EMC2: variants seen among roughly 807,000 people sequenced by gnomAD.
EMC2 encodes TPR repeat protein 35.
Under a neutral mutation model 51.6 loss-of-function variants are expected in EMC2, and 37 were observed. The observed-to-expected ratio is 0.72, with a 90% CI of 0.55 to 0.94. The LOEUF (loss-of-function observed/expected upper bound fraction) is 0.94, where lower values mean the gene tolerates loss of function less well. Ranked by LOEUF, EMC2 falls within the 40% of genes least tolerant of loss-of-function variation. EMC2 has a pLI of 0.00. For missense variants in EMC2, 359 were observed against 350.9 expected (o/e 1.02, Z -0.18); for synonymous variants, 131 against 112.4 (o/e 1.17, Z -1.04).
At chr8:108,459,721 A>AGTGTGTGTGTGT (rs1554617756) in intron 5 of EMC2, among the ~76,000 whole-genome samples, 13 of 136,878 alleles carry the variant, frequency 9.5e-5, no homozygotes, top group African/African-American at 3.3e-4. Flanking sequence ...AGAGAGAGAG[A>AGTGTGTGTGTGT]GTGTGTGTGT....
intron 7 of EMC2, among the ~76,000 whole-genome samples, chr8:108,471,726 G>T (rs566964787): frequency 6.6e-6 from 1 of 151,846 alleles, no homozygotes; most frequent in African/African-American, 2.4e-5. Context: ...GAGATATAAA[G>T]GTTGTTTTAT....
intron 5 of EMC2, among the ~76,000 whole-genome samples, chr8:108,466,383 T>A (rs754635377): frequency 6.6e-5 from 10 of 151,930 alleles, no homozygotes; most frequent in Non-Finnish European, 1.2e-4. Context: ...TTTTTATTTT[T>A]AAAAATCTAA....
chr8:108,472,198 G>A (rs569808009), intron 7 of EMC2, among the ~76,000 whole-genome samples: 23 of 151,604 alleles, frequency 1.5e-4, no homozygotes, highest in Non-Finnish European at 3.1e-4. Context: ...TACTTCATTT[G>A]CAATTTTATT....
Position 108,479,011 on chromosome 8 carries a change from A to G in EMC2, c.708A>G (p.Ala236=), listed in dbSNP as rs748381655. The G allele has an allele frequency of 1.3e-6, 2 of 1,549,716 alleles. No homozygotes were observed. The highest frequency in any genetic ancestry group is 2.4e-5 in the East Asian group (1 of 42,156). ...ATGTTTTTATTTGTTTTTAGTCGGC[A>G]AGTCATATTGCTTCTAATCCAAAAG... The part of the protein sequence containing the change: ...MRALFGLYMS[A]SHIASNPKAS... The change falls in exon 10 of 11, where the codon GCA becomes GCG. Residue 236 remains alanine, a synonymous_variant. Transcript: ENST00000220853.
chr8:108,486,505 T>TTTA lies in EMC2; in HGVS notation c.808-7_808-6insTTA, dbSNP rs1554620241. On this transcript the variant is annotated splice_polypyrimidine_tract_variant and splice_region_variant and intron_variant, in intron 10 of 10. Coordinates refer to ENST00000220853, the MANE Select transcript of EMC2 (RefSeq NM_014673.5). ...TAATTGAGCTTTTTTTTTTTTTTTT[T>TTTA]AATTAGTTTGCAGGTCGAAGTAAGA... 7.1e-6 allele frequency: 11 copies of TTTA among 1,555,066 alleles called. No individual in the cohort carries two copies. The highest frequency in any genetic ancestry group is 2.3e-5 in the East Asian group (1 of 43,756).
chr8:108,472,928 A>G (rs978129844), intron 7 of EMC2, among the ~76,000 whole-genome samples: 2 of 151,934 alleles, frequency 1.3e-5, no homozygotes, highest in Admixed American at 1.3e-4. Flanking sequence ...TTCCCAGGCT[A>G]GACTTGAGCT....
intron 5 of EMC2, among the ~76,000 whole-genome samples, chr8:108,468,384 A>C (rs1210207641): frequency 6.6e-6 from 1 of 152,178 alleles, no homozygotes; most frequent in African/African-American, 2.4e-5. Flanking sequence ...GCTTGTGCCT[A>C]CTATGTGACA....
intron 5 of EMC2, among the ~76,000 whole-genome samples, chr8:108,462,008 C>A (rs1397146681): frequency 6.6e-6 from 1 of 152,028 alleles, no homozygotes; most frequent in African/African-American, 2.4e-5. Flanking sequence ...GGGGTTTCAC[C>A]ATGTTGGCCA....
chr8:108,472,507 G>A (rs1196764065), intron 7 of EMC2, among the ~76,000 whole-genome samples: 2 of 150,706 alleles, frequency 1.3e-5, no homozygotes, highest in East Asian at 3.9e-4. Context: ...ACTCTTTTTG[G>A]TCTTAAAGCT....
intron 7 of EMC2, among the ~76,000 whole-genome samples, chr8:108,470,695 A>G (rs1324586712): frequency 6.6e-6 from 1 of 152,152 alleles, no homozygotes; most frequent in Admixed American, 6.6e-5. Flanking sequence ...GACAGGAGGA[A>G]ATCCCAGTGT....
chr8:108,452,637 TA>T (rs1819055524), intron 3 of EMC2, among the ~76,000 whole-genome samples: 1 of 152,162 alleles, frequency 6.6e-6, no homozygotes, highest in African/African-American at 2.4e-5. Context: ...GTGTTTATGT[TA>T]TTTGCTAGGA....
chr8:108,472,409 A>ATG (rs1810873055), intron 7 of EMC2, among the ~76,000 whole-genome samples: 1 of 151,756 alleles, frequency 6.6e-6, no homozygotes, highest in Non-Finnish European at 1.5e-5. Flanking sequence ...AAAAATGAAG[A>ATG]TTTACAAAGA....
At chr8:108,479,385 CAG>C in intron 10 of EMC2, among the ~76,000 whole-genome samples, 1 of 152,052 alleles carries the variant, frequency 6.6e-6, no homozygotes, top group African/African-American at 2.4e-5. Flanking sequence ...TCTAAAAACT[CAG>C]AAAGGATAAA....
At chr8:108,482,693 C>G (rs1416718200) in intron 10 of EMC2, among the ~76,000 whole-genome samples, 1 of 152,026 alleles carries the variant, frequency 6.6e-6, no homozygotes. Flanking sequence ...GAGTTATCCT[C>G]CTGCCTCAGC....
At position 108,443,711 on chromosome 8, in the gene EMC2, G is replaced by T. The variant is rs751926019; in HGVS notation, c.40+13G>T. On this transcript the variant is annotated intron_variant, in intron 1 of 10. Transcript: ENST00000220853. ...GTCACTTGGGAAGGTAACTTCGGGT[G>T]GGGGCGGGTGCGGAAAGACTAAAAG... 3.1e-6 allele frequency: 5 copies of T among 1,604,154 alleles called. No individual in the cohort carries two copies. Among genetic ancestry groups the T allele is most frequent in the Non-Finnish European group, 4.3e-6 (5 of 1,174,790 alleles).
chr8:108,446,184 T>C, intron 1 of EMC2: 1 of 313,820 alleles, frequency 3.2e-6, no homozygotes, highest in South Asian at 2.6e-5. Flanking sequence ...GCCTGGCACA[T>C]AGGCATTTAG....
Position 108,443,718 on chromosome 8 carries a change from G to C in EMC2, c.40+20G>C, listed in dbSNP as rs1486010797. 6.2e-7 allele frequency: 1 copy of C among 1,600,980 alleles called. No individual in the cohort carries two copies. The highest frequency in any genetic ancestry group is 8.5e-7 in the Non-Finnish European group (1 of 1,173,188). On this transcript the variant is annotated intron_variant, in intron 1 of 10. Transcript: ENST00000220853. ...GGGAAGGTAACTTCGGGTGGGGGCG[G>C]GTGCGGAAAGACTAAAAGCGCTGGG...
At chr8:108,464,238 T>A (rs1469670829) in intron 5 of EMC2, 1 of 152,206 alleles carries the variant, frequency 6.6e-6, no homozygotes, top group African/African-American at 2.4e-5. Flanking sequence ...GATTAGTAGT[T>A]AACTGAAAAA....
intron 5 of EMC2, chr8:108,464,211 T>A (rs1819407432): frequency 6.6e-6 from 1 of 152,150 alleles, no homozygotes; most frequent in African/African-American, 2.4e-5. Flanking sequence ...CTTGAGAGGG[T>A]CAGAATACAT....
Sources: gnomAD v4.1 joint callset for allele counts (sites outside exome capture counted in the v4.1 genomes callset) on GRCh38, gnomAD v4.1.1 for gene constraint, MANE v1.5 for transcripts, NCBI Gene and HGNC (gene_info 2026-07-23, HGNC 2026-07-21) for gene names.